ANKRD30A: variants seen among roughly 807,000 people sequenced by gnomAD.
The protein encoded by ANKRD30A is ankyrin repeat domain-containing protein 30A.
ANKRD30A carries 170 observed loss-of-function variants against 166.3 expected under a neutral mutation model. The ratio of observed to expected loss-of-function variants is 1.02; its 90% confidence interval spans 0.90 to 1.16. The LOEUF is 1.16. ANKRD30A is among the 50% of genes most tolerant of loss of function. The pLI is 0.00. For missense variants in ANKRD30A, 1,630 were observed against 1,518.0 expected (o/e 1.07, Z -1.23); for synonymous variants, 564 against 508.9 (o/e 1.11, Z -1.46).
At chr10:37,255,905 C>A in the ANKRD30A span, among the ~76,000 whole-genome samples, 1 of 152,204 alleles carries the variant, frequency 6.6e-6, no homozygotes, top group South Asian at 2.1e-4. Context: ...TCATTCCCAG[C>A]TCTGAATCCT....
chr10:37,223,222 C>T (rs905116218), intron 34 of ANKRD30A, among the ~76,000 whole-genome samples: 13 of 150,908 alleles, frequency 8.6e-5, no homozygotes, highest in South Asian at 2.1e-4. Context: ...AGTGGCATTA[C>T]GTCTTGATAA....
At chr10:37,154,753 T>A (rs17590498) in intron 13 of ANKRD30A, among the ~76,000 whole-genome samples, 1 of 152,156 alleles carries the variant, frequency 6.6e-6, no homozygotes, top group Non-Finnish European at 1.5e-5. Flanking sequence ...TTTCTATGAA[T>A]GAAAATGGAG....
At chr10:37,246,974 T>C in the ANKRD30A span, among the ~76,000 whole-genome samples, 1 of 152,016 alleles carries the variant, frequency 6.6e-6, no homozygotes, top group African/African-American at 2.4e-5. Flanking sequence ...TGATTTTAGC[T>C]CTTTGGGAGA....
intron 13 of ANKRD30A, among the ~76,000 whole-genome samples, chr10:37,156,457 A>G (rs1391487662): frequency 6.6e-6 from 1 of 152,204 alleles, no homozygotes; most frequent in Non-Finnish European, 1.5e-5. Context: ...TCAGATCACA[A>G]TTTAGAACCA....
At chr10:37,198,216 G>A (rs559407216) in intron 29 of ANKRD30A, among the ~76,000 whole-genome samples, 20 of 152,012 alleles carry the variant, frequency 1.3e-4, no homozygotes, top group South Asian at 4.1e-4. Flanking sequence ...ACATGTGTGC[G>A]TGGTCATATT....
At chr10:37,132,888 C>T (rs1836462447) in intron 4 of ANKRD30A, among the ~76,000 whole-genome samples, 1 of 152,048 alleles carries the variant, frequency 6.6e-6, no homozygotes, top group Non-Finnish European at 1.5e-5. Flanking sequence ...GTCCCAGCTA[C>T]TCTGTGGGGG....
At chr10:37,217,421 C>G (rs1842659964) in intron 32 of ANKRD30A, among the ~76,000 whole-genome samples, 1 of 150,906 alleles carries the variant, frequency 6.6e-6, no homozygotes, top group South Asian at 2.1e-4. Flanking sequence ...TATAAATTTA[C>G]TGGATAGCTT....
chr10:37,201,360 C>A, intron 31 of ANKRD30A, 35 bp downstream of exon 31: 1 of 1,447,696 alleles, frequency 6.9e-7, no homozygotes, highest in Admixed American at 2.2e-5. Flanking sequence ...GGTCATTTGA[C>A]CAAGTATTTC....
chr10:37,125,985 T>C lies in ANKRD30A; in HGVS notation c.198T>C (p.Leu66=), dbSNP rs1324035657. 1 of 1,605,890 alleles carries C rather than the reference T, an allele frequency of 6.2e-7. No homozygotes were observed. The highest frequency in any genetic ancestry group is 8.5e-7 in the Non-Finnish European group (1 of 1,176,486). ...KMTKRKKTIN[L]NIQDAQKRTA... is the part of the protein sequence containing the mutation. Reference sequence around the variant, plus strand: ...CAAAGAGGAAGAAGACCATCAACCTTAATATACAAGACGCCCAGAAGAGGT... The same window carrying C: ...CAAAGAGGAAGAAGACCATCAACCTCAATATACAAGACGCCCAGAAGAGGT... Residue 66 remains leucine (L), a synonymous_variant, in exon 1 of 36, where the codon CTT becomes CTC. Transcript: ENST00000361713.
chr10:37,159,894 G>A (rs1194074403), intron 15 of ANKRD30A, among the ~76,000 whole-genome samples: 2 of 152,022 alleles, frequency 1.3e-5, no homozygotes, highest in African/African-American at 4.8e-5. Context: ...CAGGGTTTCA[G>A]TGTGTTAGCC....
At chr10:37,193,998 C>T (rs562392069) in intron 27 of ANKRD30A, among the ~76,000 whole-genome samples, 4 of 152,090 alleles carry the variant, frequency 2.6e-5, no homozygotes, top group South Asian at 2.1e-4. Context: ...AGTCCCAGAC[C>T]AGCCTGGTCA....
intron 30 of ANKRD30A, among the ~76,000 whole-genome samples, chr10:37,200,004 G>A (rs546348506): frequency 2.0e-5 from 3 of 152,134 alleles, no homozygotes; most frequent in East Asian, 1.9e-4. Context: ...TAAGAAGCCC[G>A]TGTGGTACAG....
Position 37,216,252 on chromosome 10 carries a change from C to G in ANKRD30A, c.2941C>G (p.His981Asp), listed in dbSNP as rs766785249. The G allele has an allele frequency of 3.1e-6, 5 of 1,607,962 alleles. No homozygotes were observed. The highest frequency in any genetic ancestry group is 1.7e-4 in the Middle Eastern group (1 of 6,012). Reference sequence around the variant, plus strand: ...AAGAGCAAGGGAACTTCAAAAAGATCACTGTGAACAACGTACAGGAAAAAT... The same window carrying G: ...AAGAGCAAGGGAACTTCAAAAAGATGACTGTGAACAACGTACAGGAAAAAT... ...CERARELQKD[H>D]CEQRTGKMEQ... Residue 981 changes from histidine (H) to aspartate (D), a missense_variant, in exon 32 of 36, where the codon CAC (histidine) becomes GAC (aspartate). Transcript: ENST00000361713.
At chr10:37,161,559 G>A (rs1280530888) in intron 15 of ANKRD30A, among the ~76,000 whole-genome samples, 2 of 152,108 alleles carry the variant, frequency 1.3e-5, no homozygotes, top group South Asian at 2.1e-4. Context: ...ACTCTGAGAA[G>A]AACAGTTGAG....
intron 25 of ANKRD30A, 23 bp from the exon 26 acceptor site, chr10:37,193,041 T>C: frequency 6.2e-7 from 1 of 1,606,404 alleles, no homozygotes; most frequent in Non-Finnish European, 8.5e-7. Context: ...TACAATAAAT[T>C]ATATATGTCC....
intron 31 of ANKRD30A, among the ~76,000 whole-genome samples, chr10:37,206,555 C>CA (rs368796934): frequency 2.6e-5 from 4 of 152,030 alleles, no homozygotes; most frequent in African/African-American, 9.7e-5. Context: ...TTTGGGAGGC[C>CA]AAGGCGGGCA....
At chr10:37,211,852 T>C (rs1229768984) in intron 31 of ANKRD30A, among the ~76,000 whole-genome samples, 2 of 152,080 alleles carry the variant, frequency 1.3e-5, no homozygotes, top group Non-Finnish European at 2.9e-5. Flanking sequence ...GGTATCTCAT[T>C]GTGGTTTTGA....
At chr10:37,153,865 T>C (rs1232993829) in intron 13 of ANKRD30A, among the ~76,000 whole-genome samples, 1 of 152,100 alleles carries the variant, frequency 6.6e-6, no homozygotes, top group African/African-American at 2.4e-5. Context: ...AGCTGAATTA[T>C]TAGTTTGAAT....
chr10:37,193,297 A>G (rs931552458), intron 27 of ANKRD30A, 39 bp downstream of exon 27: 20 of 1,575,470 alleles, frequency 1.3e-5, no homozygotes, highest in Non-Finnish European at 1.6e-5. Flanking sequence ...GGAAAGAAGA[A>G]TATTAAAATA....
Sources: gnomAD v4.1 joint callset for allele counts (sites outside exome capture counted in the v4.1 genomes callset) on GRCh38, gnomAD v4.1.1 for gene constraint, MANE v1.5 for transcripts, NCBI Gene and HGNC (gene_info 2026-07-23, HGNC 2026-07-21) for gene names.